PTK2: variants seen among roughly 807,000 people sequenced by gnomAD.
The protein encoded by PTK2 is focal adhesion kinase 1.
Under a neutral mutation model 150.1 loss-of-function variants are expected in PTK2, and 45 were observed. The ratio of observed to expected loss-of-function variants is 0.30; its 90% CI spans 0.24 to 0.38. The LOEUF is 0.38. Ranked by LOEUF, PTK2 falls within the 10% of genes least tolerant of loss-of-function variation. The pLI is 1.00. For synonymous variants in PTK2, 432 were observed against 449.2 expected (o/e 0.96, Z 0.48); for missense variants, 919 against 1,307.3 (o/e 0.70, Z 4.58).
Position 140,686,113 on chromosome 8 carries a change from A to G in PTK2, c.2562+519T>C, listed in dbSNP as rs567384580. Among the ~76,000 whole-genome samples the G allele has an allele frequency of 2.6e-5, 4 of 152,324 alleles. No homozygotes were observed. The East Asian group carries it at 7.7e-4, about 29-fold the overall frequency. Reference sequence around the variant, plus strand: ...ATGGGTGGAGCTAGAGGTCATTATCATTATCTTAAGTGAACTAATGCAGGA... The same window carrying G: ...ATGGGTGGAGCTAGAGGTCATTATCGTTATCTTAAGTGAACTAATGCAGGA... On this transcript the variant is annotated intron_variant, in intron 27 of 31. Transcript: ENST00000522684.
chr8:140,681,871 G>A (rs994299639), intron 27 of PTK2, among the ~76,000 whole-genome samples: 2 of 152,232 alleles, frequency 1.3e-5, no homozygotes, highest in Non-Finnish European at 1.5e-5. Context: ...ATTTATGCTG[G>A]AGGTTGCAAA....
chr8:140,709,229 A>G (rs189950752), intron 23 of PTK2, among the ~76,000 whole-genome samples: 4 of 152,350 alleles, frequency 2.6e-5, no homozygotes, highest in Admixed American at 2.6e-4. Context: ...AAAGGAACAT[A>G]CAAAACAAAT....
chr8:140,914,792 C>CT (rs2100164539), intron 2 of PTK2, among the ~76,000 whole-genome samples: 1 of 151,958 alleles, frequency 6.6e-6, no homozygotes, highest in South Asian at 2.1e-4. Context: ...TTCCAGCACT[C>CT]TGAGAGGCCG....
chr8:140,995,888 A>G (rs1371379732), intron 1 of PTK2, among the ~76,000 whole-genome samples: 1 of 152,194 alleles, frequency 6.6e-6, no homozygotes, highest in Non-Finnish European at 1.5e-5. Flanking sequence ...AAGGAAATTA[A>G]AAGTGCTACT....
chr8:140,741,826 G>A (rs938228122), intron 20 of PTK2, among the ~76,000 whole-genome samples: 40 of 152,234 alleles, frequency 2.6e-4, no homozygotes, highest in African/African-American at 9.6e-4. Flanking sequence ...CAACTGACAT[G>A]AGCTAGATTT....
chr8:140,922,832 C>T (rs2100168041), intron 2 of PTK2, among the ~76,000 whole-genome samples: 1 of 152,146 alleles, frequency 6.6e-6, no homozygotes, highest in African/African-American at 2.4e-5. Context: ...ATCTACGATG[C>T]CAGGGTCTTC....
intron 24 of PTK2, 102 bp from the exon 28 acceptor site, chr8:140,702,809 G>T: frequency 7.8e-7 from 1 of 1,275,222 alleles, no homozygotes. Flanking sequence ...ATTGTGGTAG[G>T]CAGAATTATG....
At position 140,904,865 on chromosome 8, in the gene PTK2, T is replaced by C. The variant is rs1214648248; in HGVS notation, c.-32-14096A>G. Reference sequence around the variant, plus strand: ...TGATATCCCCTTTATCATTTTTTATTGTGTCTCTTTGATTCTTCTCTCTTT... The same window carrying C: ...TGATATCCCCTTTATCATTTTTTATCGTGTCTCTTTGATTCTTCTCTCTTT... On this transcript the variant is annotated intron_variant, in intron 2 of 31. Transcript: ENST00000522684. Among the ~76,000 whole-genome samples the C allele has an allele frequency of 2.0e-5, 3 of 152,180 alleles. No homozygotes were observed. The East Asian group carries it at 5.8e-4, about 29-fold the overall frequency.
At chr8:140,762,444 A>G in intron 15 of PTK2, 56 bp from the exon 18 acceptor site, 1 of 937,136 alleles carries the variant, frequency 1.1e-6, no homozygotes, top group Non-Finnish European at 1.3e-6. Flanking sequence ...AATAACTAAC[A>G]GCAATTAGGT....
At chr8:140,854,001 A>G (rs1403347878) in intron 5 of PTK2, among the ~76,000 whole-genome samples, 1 of 152,194 alleles carries the variant, frequency 6.6e-6, no homozygotes, top group Non-Finnish European at 1.5e-5. Context: ...TACAAAAGAA[A>G]ACTGGAATAA....
chr8:140,717,840 A>G, intron 22 of PTK2, 131 bp from the exon 26 acceptor site: 1 of 645,450 alleles, frequency 1.5e-6, no homozygotes. Context: ...TCCTATACAC[A>G]GGGGAAAGAA....
intron 22 of PTK2, among the ~76,000 whole-genome samples, chr8:140,728,865 C>T (rs1197238398): frequency 6.6e-6 from 1 of 152,078 alleles, no homozygotes; most frequent in East Asian, 1.9e-4. Flanking sequence ...ATTTGTGATC[C>T]TGCTCTTACA....
chr8:140,932,360 G>A (rs1389415527), intron 1 of PTK2, among the ~76,000 whole-genome samples: 1 of 151,892 alleles, frequency 6.6e-6, no homozygotes, highest in Non-Finnish European at 1.5e-5. Flanking sequence ...GATCACAGGC[G>A]CCCACCACCA....
chr8:140,931,711 GA>G (rs1281909855), intron 1 of PTK2, among the ~76,000 whole-genome samples: 1 of 151,966 alleles, frequency 6.6e-6, no homozygotes, highest in Non-Finnish European at 1.5e-5. Flanking sequence ...AAGGCAGGAG[GA>G]TCACTTGAGC....
intron 1 of PTK2, among the ~76,000 whole-genome samples, chr8:140,943,829 C>T (rs1388526621): frequency 6.6e-6 from 1 of 152,174 alleles, no homozygotes; most frequent in Non-Finnish European, 1.5e-5. Flanking sequence ...CTAACGACTA[C>T]TAATGTGGAA....
chr8:140,687,555 C>T (rs61372482), intron 26 of PTK2, among the ~76,000 whole-genome samples: 2,905 of 152,284 alleles, frequency 0.019, 100 homozygotes, highest in African/African-American at 0.066. Flanking sequence ...CTGTGTATCT[C>T]CTATTTCCCA....
At chr8:140,877,277 G>GCCTGCCTCAGCCTCTCAAAGT (rs2100146196) in intron 4 of PTK2, among the ~76,000 whole-genome samples, 1 of 151,884 alleles carries the variant, frequency 6.6e-6, no homozygotes, top group Non-Finnish European at 1.5e-5. Context: ...CAAGTGATTT[G>GCCTGCCTCAGCCTCTCAAAGT]CCTGCCTCAG....
chr8:140,900,418 T>C lies in PTK2; in HGVS notation c.-32-9649A>G, dbSNP rs529334252. ...TCAACATAAGGAAAACTATAAAACATTGGTGAAAGAAATTGAAGAGGGGCT... is the reference window on the plus strand; with the variant it reads ...TCAACATAAGGAAAACTATAAAACACTGGTGAAAGAAATTGAAGAGGGGCT... On this transcript the variant is annotated intron_variant, in intron 2 of 31. Coordinates refer to ENST00000522684, the Ensembl canonical transcript of PTK2. Among the ~76,000 whole-genome samples the C allele has an allele frequency of 1.2e-3, 177 of 152,034 alleles. 1 individual carries two copies. The highest frequency in any genetic ancestry group is 1.7e-3 in the Non-Finnish European group (115 of 67,942).
At chr8:140,881,766 G>C (rs1391616425) in intron 3 of PTK2, among the ~76,000 whole-genome samples, 1 of 152,180 alleles carries the variant, frequency 6.6e-6, no homozygotes, top group East Asian at 1.9e-4. Context: ...CTTCATCTCT[G>C]CTGAACTCAC....
Sources: gnomAD v4.1 joint callset for allele counts (sites outside exome capture counted in the v4.1 genomes callset) on GRCh38, gnomAD v4.1.1 for gene constraint, MANE v1.5 for transcripts, NCBI Gene and HGNC (gene_info 2026-07-23, HGNC 2026-07-21) for gene names.